EML6: variants seen among roughly 807,000 people sequenced by gnomAD.
EML6 encodes EMAP like 6.
Under a neutral mutation model 240.1 loss-of-function variants are expected in EML6, and 154 were observed. That is an observed-to-expected ratio of 0.64 (90% CI 0.56 to 0.73). The LOEUF (loss-of-function observed/expected upper bound fraction) is 0.73, where lower values mean the gene tolerates loss of function less well. Ranked by LOEUF, EML6 falls within the 30% of genes least tolerant of loss-of-function variation. EML6 has a pLI of 0.00. For missense variants in EML6, 2,964 were observed against 2,474.6 expected (o/e 1.20, Z -4.20); for synonymous variants, 1,148 against 899.0 (o/e 1.28, Z -4.95).
intron 29 of EML6, among the ~76,000 whole-genome samples, chr2:54,949,302 G>A (rs992557829): frequency 6.6e-6 from 1 of 152,180 alleles, no homozygotes; most frequent in Non-Finnish European, 1.5e-5. Flanking sequence ...AAAGAGACAG[G>A]GGAGCACATA....
intron 2 of EML6, among the ~76,000 whole-genome samples, chr2:54,790,528 G>C (rs1033603949): frequency 2.6e-5 from 4 of 152,038 alleles, no homozygotes; most frequent in African/African-American, 7.2e-5. Flanking sequence ...CCATTTCACG[G>C]CTGGAGGGTC....
chr2:54,776,315 T>C (rs1404452782), intron 2 of EML6, among the ~76,000 whole-genome samples: 3 of 152,168 alleles, frequency 2.0e-5, no homozygotes, highest in Admixed American at 6.5e-5. Context: ...AATCTAGGTT[T>C]TACAGAACTT....
At chr2:54,809,444 C>G (rs971778926) in intron 2 of EML6, among the ~76,000 whole-genome samples, 1 of 152,150 alleles carries the variant, frequency 6.6e-6, no homozygotes, top group African/African-American at 2.4e-5. Context: ...ATTCAGGGGA[C>G]AGGGTTCTTT....
intron 28 of EML6, among the ~76,000 whole-genome samples, chr2:54,943,574 TCCCTGC>T (rs1675537152): frequency 6.6e-6 from 1 of 152,200 alleles, no homozygotes; most frequent in Admixed American, 6.5e-5. Context: ...CTGTCCTCTG[TCCCTGC>T]CATTCTGCTG....
Position 54,724,055 on chromosome 2 carries a change from G to T in EML6, c.-514+278G>T, listed in dbSNP as rs1241438249. 2.0e-5 allele frequency among the ~76,000 whole-genome samples: 3 copies of T among 152,218 alleles called. No homozygotes were observed. In the South Asian group the frequency reaches 6.2e-4, roughly 31 times the overall value. ...CAGAGGTTTCTGGGGAGAAGTACACGATTTTTGCCACTTGTTATTTGATTT... is the reference window on the plus strand; with the variant it reads ...CAGAGGTTTCTGGGGAGAAGTACACTATTTTTGCCACTTGTTATTTGATTT... On this transcript the variant is annotated intron_variant, in intron 1 of 41. Coordinates refer to ENST00000356458, the MANE Select transcript of EML6 (RefSeq NM_001039753.4). This position sits in a 1 kb window ranked among gnomAD's most constrained non-coding sequence, Gnocchi z 5.2.
intron 7 of EML6, among the ~76,000 whole-genome samples, chr2:54,833,776 C>T (rs139697762): frequency 9.2e-5 from 14 of 152,240 alleles, no homozygotes; most frequent in African/African-American, 3.4e-4. Flanking sequence ...GTTTCTGTAG[C>T]AACAACAACA....
intron 5 of EML6, among the ~76,000 whole-genome samples, chr2:54,821,030 A>G (rs1380050497): frequency 6.6e-6 from 1 of 152,102 alleles, no homozygotes; most frequent in East Asian, 1.9e-4. Flanking sequence ...AACTGCATCA[A>G]CATGCTTTGC....
At chr2:54,864,564 G>C (rs976993365) in intron 13 of EML6, among the ~76,000 whole-genome samples, 1 of 152,026 alleles carries the variant, frequency 6.6e-6, no homozygotes, top group African/African-American at 2.4e-5. Flanking sequence ...TTTCTTTCTT[G>C]TCACTTAACA....
intron 28 of EML6, among the ~76,000 whole-genome samples, chr2:54,937,013 C>G (rs71413281): frequency 5.4e-5 from 8 of 147,880 alleles, no homozygotes; most frequent in African/African-American, 1.0e-4. Context: ...GGCACAGTGG[C>G]TCACGCCTGT....
At chr2:54,891,787 A>G (rs1672482357) in intron 18 of EML6, among the ~76,000 whole-genome samples, 1 of 152,198 alleles carries the variant, frequency 6.6e-6, no homozygotes, top group Non-Finnish European at 1.5e-5. Context: ...AAAGAAGGTA[A>G]TGCCACCCAG....
intron 11 of EML6, among the ~76,000 whole-genome samples, chr2:54,858,484 A>G (rs886565406): frequency 6.6e-6 from 1 of 152,330 alleles, no homozygotes; most frequent in East Asian, 1.9e-4. Context: ...CTGCTCCCCA[A>G]TTACTCAATC....
At chr2:54,960,117 C>A in intron 34 of EML6, 103 bp from the exon 35 acceptor site, 1 of 864,712 alleles carries the variant, frequency 1.2e-6, no homozygotes, top group Non-Finnish European at 1.8e-6. Flanking sequence ...TGGGCCCCAA[C>A]TGGCCAGAAC....
At chr2:54,935,981 G>A (rs1295794136) in intron 28 of EML6, among the ~76,000 whole-genome samples, 1 of 152,162 alleles carries the variant, frequency 6.6e-6, no homozygotes, top group Admixed American at 6.5e-5. Flanking sequence ...AGTGAGCTGT[G>A]ATCACACCAG....
intron 2 of EML6, among the ~76,000 whole-genome samples, chr2:54,804,311 C>G (rs1040931560): frequency 6.6e-6 from 1 of 152,218 alleles, no homozygotes; most frequent in African/African-American, 2.4e-5. Context: ...GAGTCATACT[C>G]CTTGCTTAAA....
chr2:54,848,827 C>G (rs1289084759), intron 9 of EML6, among the ~76,000 whole-genome samples: 1 of 152,074 alleles, frequency 6.6e-6, no homozygotes, highest in Non-Finnish European at 1.5e-5. Flanking sequence ...ACAAAATATT[C>G]CAGTGACTCA....
In EML6 at chr2:54,948,887, C is replaced by CCGTT; in HGVS notation, c.4011_4014dup (p.Ser1339ArgfsTer2). On this transcript the variant is annotated frameshift_variant, in exon 29 of 42. Transcript: ENST00000356458. LOFTEE classifies it high-confidence loss of function. The stretch of plus-strand genomic sequence containing the variant: ...CTGGCCGCTCTCTCTTCCAGACCAC[C>CCGTT]CGTTAGCCGAGCAGCTCCCCAGCCT... The CCGTT allele has an allele frequency of 6.4e-7, 1 of 1,551,298 alleles. No homozygotes were observed. The highest frequency in any genetic ancestry group is 8.7e-7 in the Non-Finnish European group (1 of 1,146,812).
chr2:54,899,247 T>G (rs1036709096), intron 21 of EML6, among the ~76,000 whole-genome samples: 2 of 152,266 alleles, frequency 1.3e-5, no homozygotes, highest in African/African-American at 2.4e-5. Context: ...GGAAGTGGTT[T>G]GTGTCCTTGT....
In EML6 at chr2:54,853,640, C is replaced by G. The variant is rs1479778969; in HGVS notation, c.1445-3C>G. 6.6e-7 allele frequency: 1 copy of G among 1,512,838 alleles called. No individual in the cohort carries two copies. Among genetic ancestry groups the G allele is most frequent in the African/African-American group, 1.4e-5 (1 of 72,110 alleles). 93.7% of individuals were successfully genotyped at this position (1,512,838 alleles called of 1,614,324 possible). A position where few individuals can be genotyped will look rare whatever the true frequency, so the allele number is the denominator to read the frequency against. ...ATGTAATGTTAATATTGATTATTTTCAGCTGGGAAGCCTTTAACAAGTAAA... is the reference window on the plus strand; with the variant it reads ...ATGTAATGTTAATATTGATTATTTTGAGCTGGGAAGCCTTTAACAAGTAAA... On this transcript the variant is annotated splice_region_variant and splice_polypyrimidine_tract_variant and intron_variant, in intron 10 of 41. Transcript: ENST00000356458.
At chr2:54,961,234 G>GAGT (rs948726461) in intron 35 of EML6, among the ~76,000 whole-genome samples, 1 of 108,762 alleles carries the variant, frequency 9.2e-6, no homozygotes, top group Non-Finnish European at 1.8e-5. Context: ...TGCCCAGGGG[G>GAGT]AGTACTGTGG....
Sources: gnomAD v4.1 joint callset for allele counts (sites outside exome capture counted in the v4.1 genomes callset) on GRCh38, gnomAD v4.1.1 for gene constraint, Gnocchi (gnomAD v3.1) non-coding constraint, MANE v1.5 for transcripts, NCBI Gene and HGNC (gene_info 2026-07-23, HGNC 2026-07-21) for gene names.